Variants in STAT5B observed in about 807,000 individuals in gnomAD.
The protein encoded by STAT5B is signal transducer and activator of transcription 5B.
A neutral mutation model predicts 107.8 loss-of-function variants in STAT5B; 21 were observed. That is an observed-to-expected ratio of 0.19 (90% confidence interval 0.14 to 0.28). STAT5B has a LOEUF of 0.28. STAT5B is among the 10% of genes least tolerant of loss of function. The probability of loss-of-function intolerance (pLI) is 1.00; values close to 1 mark genes in which losing one functional copy is unlikely to be tolerated. For missense variants in STAT5B, 565 were observed against 1,008.2 expected (o/e 0.56, Z 5.95); for synonymous variants, 325 against 401.7 (o/e 0.81, Z 2.28).
chr17:42,207,804 T>C, intron 15 of STAT5B, 76 bp from the exon 16 acceptor site: 1 of 1,504,620 alleles, frequency 6.6e-7, no homozygotes, highest in Non-Finnish European at 9.2e-7. Flanking sequence ...CAACATACTA[T>C]AAATTCAAGC....
At position 42,276,379 on chromosome 17, in the gene STAT5B, G is replaced by T. The variant is rs903923995; in HGVS notation, c.-142C>A. 6.8e-6 allele frequency: 1 copy of T among 147,004 alleles called. No homozygotes were observed. The highest frequency in any genetic ancestry group is 1.5e-5 in the Non-Finnish European group (1 of 66,022). 9.1% of individuals were successfully genotyped at this position (147,004 alleles called of 1,614,324 possible). A position where few individuals can be genotyped will look rare whatever the true frequency, so the allele number is the denominator to read the frequency against. ...GCGCTGGGTCCCCGCCCGGGGTGAC[G>T]GCTCCGGCCGCCGACTCTCCTCCCG... On this transcript the variant is annotated 5_prime_UTR_variant, in exon 1 of 19. Coordinates refer to ENST00000293328, the MANE Select transcript of STAT5B (RefSeq NM_012448.4). The surrounding 1 kb of genome is among the most constrained non-coding windows in gnomAD (Gnocchi z 4.8).
chr17:42,265,125 T>C (rs2080656647), intron 1 of STAT5B, among the ~76,000 whole-genome samples: 1 of 145,066 alleles, frequency 6.9e-6, no homozygotes, highest in African/African-American at 2.6e-5. Flanking sequence ...GTCAGATGAG[T>C]AGGTTGCGAA....
At chr17:42,224,083 C>A (rs1337964440) in intron 4 of STAT5B, among the ~76,000 whole-genome samples, 2 of 151,984 alleles carry the variant, frequency 1.3e-5, no homozygotes, top group African/African-American at 4.8e-5. Flanking sequence ...CCTGGAGACC[C>A]CAGGGTGAAG....
intron 1 of STAT5B, among the ~76,000 whole-genome samples, chr17:42,263,871 G>GCGCGCACACA (rs1007528555): frequency 4.1e-5 from 6 of 144,934 alleles, no homozygotes; most frequent in African/African-American, 1.0e-4. Context: ...TAGAAAGCGC[G>GCGCGCACACA]CACACACACA....
At chr17:42,208,991 C>T (rs1222367695) in intron 15 of STAT5B, among the ~76,000 whole-genome samples, 2 of 151,512 alleles carry the variant, frequency 1.3e-5, no homozygotes, top group East Asian at 3.9e-4. Flanking sequence ...CCTTGGCCTC[C>T]CAAAGTGCTG....
chr17:42,261,723 G>C (rs1370023328), intron 1 of STAT5B, among the ~76,000 whole-genome samples: 2 of 152,050 alleles, frequency 1.3e-5, no homozygotes, highest in Admixed American at 1.3e-4. Context: ...ACCACGTCTA[G>C]CTAATTTTTG....
intron 1 of STAT5B, among the ~76,000 whole-genome samples, chr17:42,238,450 CCTT>C (rs1282849544): frequency 4.2e-5 from 6 of 141,690 alleles, no homozygotes; most frequent in African/African-American, 1.1e-4. Context: ...TTGTGCCTGG[CCTT>C]TTTTTTTTTT....
chr17:42,252,664 G>A (rs1055615820), intron 1 of STAT5B, among the ~76,000 whole-genome samples: 7 of 152,200 alleles, frequency 4.6e-5, no homozygotes, highest in African/African-American at 1.7e-4. Flanking sequence ...AATAATGGGA[G>A]TGAATCACAC....
At chr17:42,214,738 C>G in intron 12 of STAT5B, 2 of 835,880 alleles carry the variant, frequency 2.4e-6, no homozygotes, top group Non-Finnish European at 2.9e-6. Flanking sequence ...TAACAAATGA[C>G]CTTTGCCTAC....
intron 5 of STAT5B, 141 bp from the exon 6 acceptor site, chr17:42,219,983 CA>C (rs2080210828): frequency 7.0e-7 from 1 of 1,429,722 alleles, no homozygotes; most frequent in East Asian, 2.5e-5. Context: ...TCCTGACAGC[CA>C]GGGGGGCCAA....
Position 42,236,857 on chromosome 17 carries a change from T to C in STAT5B, c.-10-4720A>G, listed in dbSNP as rs550599169. ...CATTCATCCTTCTAACTGGCATTCA[T>C]CTAGCCATCGAACGCTACTCTGCAT... On this transcript the variant is annotated intron_variant, in intron 1 of 18. Coordinates refer to ENST00000293328, the MANE Select transcript of STAT5B (RefSeq NM_012448.4). 3.9e-5 allele frequency among the ~76,000 whole-genome samples: 6 copies of C among 152,288 alleles called. No individual in the cohort carries two copies. In the East Asian group the frequency reaches 9.6e-4, roughly 24 times the overall value.
At chr17:42,266,565 AT>A (rs1327072755) in intron 1 of STAT5B, among the ~76,000 whole-genome samples, 1 of 151,326 alleles carries the variant, frequency 6.6e-6, no homozygotes, top group Non-Finnish European at 1.5e-5. Context: ...AAAAAAAAAA[AT>A]CATTCCCTTA....
chr17:42,262,603 G>A (rs995392513), intron 1 of STAT5B, among the ~76,000 whole-genome samples: 1 of 151,470 alleles, frequency 6.6e-6, no homozygotes, highest in Admixed American at 6.6e-5. Context: ...CCATAGCCTA[G>A]CAGCCTTCAT....
intron 1 of STAT5B, among the ~76,000 whole-genome samples, chr17:42,267,162 T>A (rs976262240): frequency 6.6e-6 from 1 of 152,200 alleles, no homozygotes; most frequent in Non-Finnish European, 1.5e-5. Context: ...CTGCCAGTCA[T>A]GTGAAAGTCT....
chr17:42,237,797 C>T (rs550675814), intron 1 of STAT5B, among the ~76,000 whole-genome samples: 29 of 152,230 alleles, frequency 1.9e-4, no homozygotes, highest in Non-Finnish European at 4.0e-4. Flanking sequence ...GCCTGTTAAG[C>T]CTCTCTGTGC....
chr17:42,251,191 T>C (rs79425113), intron 1 of STAT5B, among the ~76,000 whole-genome samples: 274 of 152,250 alleles, frequency 1.8e-3, no homozygotes, highest in African/African-American at 6.3e-3. Flanking sequence ...TTCATTCTTT[T>C]AAATCAATCA....
At chr17:42,222,194 T>G (rs981687382) in intron 5 of STAT5B, among the ~76,000 whole-genome samples, 1 of 150,828 alleles carries the variant, frequency 6.6e-6, no homozygotes, top group Non-Finnish European at 1.5e-5. Flanking sequence ...GTGTTGTCTG[T>G]GTGTGCTGTG....
At chr17:42,266,806 A>T (rs1163534566) in intron 1 of STAT5B, among the ~76,000 whole-genome samples, 1 of 152,170 alleles carries the variant, frequency 6.6e-6, no homozygotes, top group African/African-American at 2.4e-5. Context: ...CCACTCAGGA[A>T]GCCAAATATT....
chr17:42,247,945 C>A (rs1462868773), intron 1 of STAT5B, among the ~76,000 whole-genome samples: 2 of 140,846 alleles, frequency 1.4e-5, no homozygotes, highest in African/African-American at 2.6e-5. Flanking sequence ...GAGCCAGACT[C>A]ATTCTCTAAA....
Sources: gnomAD v4.1 joint callset for allele counts (sites outside exome capture counted in the v4.1 genomes callset) on GRCh38, gnomAD v4.1.1 for gene constraint, Gnocchi (gnomAD v3.1) non-coding constraint, MANE v1.5 for transcripts, NCBI Gene and HGNC (gene_info 2026-07-23, HGNC 2026-07-21) for gene names.